Variants in SYNE3 observed in about 807,000 individuals in gnomAD.
SYNE3 encodes the protein nesprin-3.
A neutral mutation model predicts 111.2 loss-of-function variants in SYNE3; 100 were observed. That is an observed-to-expected ratio of 0.90 (90% confidence interval 0.77 to 1.06). The LOEUF (loss-of-function observed/expected upper bound fraction) is 1.06, where lower values mean the gene tolerates loss of function less well. Ranked by LOEUF, SYNE3 falls within the 50% of genes least tolerant of loss-of-function variation. The pLI is 0.00. For missense variants in SYNE3, 1,160 were observed against 1,240.3 expected (o/e 0.94, Z 0.97); for synonymous variants, 547 against 533.9 (o/e 1.02, Z -0.34).
At chr14:95,438,752 G>T (rs1310581858) in intron 14 of SYNE3, 1 of 323,562 alleles carries the variant, frequency 3.1e-6, no homozygotes, top group Non-Finnish European at 5.8e-6. Context: ...AGGAGCTGCT[G>T]CTAGTGGCTC....
chr14:95,473,559 A>T (rs187651182), intron 2 of SYNE3, among the ~76,000 whole-genome samples: 236 of 152,246 alleles, frequency 1.6e-3, no homozygotes, highest in Admixed American at 3.5e-3. Flanking sequence ...CAACACATGG[A>T]CAAAGGCTTG....
intron 8 of SYNE3, chr14:95,449,426 G>C: frequency 1.0e-6 from 1 of 985,400 alleles, no homozygotes. Context: ...TCCGGAGCCA[G>C]TTGTTGTTCA....
intron 17 of SYNE3, among the ~76,000 whole-genome samples, chr14:95,421,774 C>T (rs1290754146): frequency 2.0e-4 from 31 of 152,228 alleles, no homozygotes; most frequent in Admixed American, 2.0e-3. Context: ...AAGCACTGCC[C>T]TCCTTAAACG....
intron 1 of SYNE3, among the ~76,000 whole-genome samples, chr14:95,490,827 T>C (rs1889813767): frequency 6.6e-6 from 1 of 152,252 alleles, no homozygotes; most frequent in African/African-American, 2.4e-5. Flanking sequence ...TGCATTGCCA[T>C]CCACCTTCTC....
rs1886989873 is a variant in SYNE3, at chr14:95,450,198, C to T, written c.1275-93G>A. Reference sequence around the variant, plus strand: ...CCGCCAAGACCCTCAAGAGGCCCAGCATGCACTGCTCCCAGGGTGGGCCTT... The same window carrying T: ...CCGCCAAGACCCTCAAGAGGCCCAGTATGCACTGCTCCCAGGGTGGGCCTT... On this transcript the variant is annotated intron_variant, in intron 7 of 17. Coordinates refer to ENST00000682763, the MANE Select transcript of SYNE3 (RefSeq NM_152592.6). The T allele has an allele frequency of 9.1e-6, 13 of 1,424,426 alleles. No individual in the cohort carries two copies. In the Admixed American group the frequency reaches 2.4e-4, roughly 27 times the overall value. The allele number at this position is 1,424,426 out of a possible 1,614,324, so 88.2% of individuals were successfully genotyped here. A position where few individuals can be genotyped will look rare whatever the true frequency, so the allele number is the denominator to read the frequency against.
rs1903616064 is a variant in SYNE3, at chr14:95,417,442, T to G, written c.*384A>C. ...AGGTTGCCATGAAAGTGACATGTTA[T>G]TGTTCTTGCTTTCTAGGGTTGACTG... On this transcript the variant is annotated 3_prime_UTR_variant, in exon 18 of 18. Transcript: ENST00000682763. 4 of 263,340 alleles carry G rather than the reference T, an allele frequency of 1.5e-5. No individual in the cohort carries two copies. Among genetic ancestry groups the G allele is most frequent in the African/African-American group, 6.5e-5 (3 of 46,164 alleles). The allele number at this position is 263,340 out of a possible 1,614,324, so 16.3% of individuals were successfully genotyped here.
At chr14:95,512,979 A>G (rs558467654) in intron 1 of SYNE3, among the ~76,000 whole-genome samples, 6 of 152,320 alleles carry the variant, frequency 3.9e-5, no homozygotes, top group Admixed American at 2.6e-4. Flanking sequence ...TCCCTGATCA[A>G]TTACCCACTT....
chr14:95,438,197 G>GC (rs1229141216), intron 14 of SYNE3: 3 of 152,102 alleles, frequency 2.0e-5, no homozygotes. Flanking sequence ...CCCACCTCAG[G>GC]CCCCTGAGTA....
chr14:95,491,337 G>A (rs1314369776), intron 1 of SYNE3, among the ~76,000 whole-genome samples: 1 of 152,146 alleles, frequency 6.6e-6, no homozygotes, highest in Non-Finnish European at 1.5e-5. Context: ...TCAGTGTAGA[G>A]TGATGGCCAA....
In SYNE3 at chr14:95,450,011, C is replaced by A; in HGVS notation, c.1369G>T (p.Ala457Ser). The change falls in exon 8 of 18, where the codon GCC (alanine) becomes TCC (serine). Residue 457 changes from alanine (A) to serine (S), a missense_variant. Ala to Ser is a moderately conservative substitution (Grantham distance 99, BLOSUM62 1). Transcript: ENST00000682763. ...RPLQDLQLWK[A>S]LAQRLLEVTA... ...ACCTCCAAGAGCCGCTGGGCCAGGG[C>A]CTTCCACAGCTGCAGATCCTGCAGA... is the stretch of plus-strand genomic sequence containing the variant. 6.4e-7 allele frequency: 1 copy of A among 1,556,630 alleles called. No individual in the cohort carries two copies. Among genetic ancestry groups the A allele is most frequent in the East Asian group, 2.4e-5 (1 of 41,294 alleles).
chr14:95,424,634 C>A (rs1476467115), intron 17 of SYNE3, among the ~76,000 whole-genome samples: 1 of 152,164 alleles, frequency 6.6e-6, no homozygotes, highest in Non-Finnish European at 1.5e-5. Context: ...TGATAAGAGG[C>A]ACAAGTAAAC....
Position 95,436,882 on chromosome 14 carries a change from T to C in SYNE3, c.2476A>G (p.Arg826Gly). ...WLQVENSKLV[R>G]IIAMRTSTAE... ...GTAGAAGTTCTCATTGCGATGATTC[T>C]AACCAGCTTGGAGTTTTCCACCTGC... Residue 826 changes from arginine (R) to glycine (G), a missense_variant, in exon 15 of 18, where the codon AGA becomes GGA. Arg to Gly is a moderately radical substitution (Grantham distance 125, BLOSUM62 -2). Transcript: ENST00000682763. The C allele has an allele frequency of 6.2e-7, 1 of 1,614,234 alleles. No individual in the cohort carries two copies. The highest frequency in any genetic ancestry group is 8.5e-7 in the Non-Finnish European group (1 of 1,180,034).
At chr14:95,481,211 A>AT (rs1469503601) in intron 1 of SYNE3, among the ~76,000 whole-genome samples, 5 of 152,216 alleles carry the variant, frequency 3.3e-5, no homozygotes, top group Admixed American at 3.3e-4. Context: ...GTTCTATTGG[A>AT]TTCTGAAGCC....
At chr14:95,431,735 G>A (rs1053284779) in intron 17 of SYNE3, among the ~76,000 whole-genome samples, 1 of 152,116 alleles carries the variant, frequency 6.6e-6, no homozygotes, top group Admixed American at 6.5e-5. Context: ...GGACAGTCCC[G>A]GTTCACACCT....
At chr14:95,450,446 A>C (rs1887002000) in intron 7 of SYNE3, 1 of 242,194 alleles carries the variant, frequency 4.1e-6, no homozygotes, top group Non-Finnish European at 8.0e-6. Flanking sequence ...AGGCCAAAGC[A>C]GGAGGATCAC....
intron 1 of SYNE3, among the ~76,000 whole-genome samples, chr14:95,504,544 G>C (rs950413381): frequency 1.3e-5 from 2 of 152,202 alleles, no homozygotes; most frequent in Non-Finnish European, 1.5e-5. Context: ...GGGGGCCTTT[G>C]CCACTAAGCT....
intron 1 of SYNE3, among the ~76,000 whole-genome samples, chr14:95,477,481 T>C (rs1227308974): frequency 2.0e-5 from 3 of 152,206 alleles, no homozygotes; most frequent in African/African-American, 7.2e-5. Flanking sequence ...AAATCATCAC[T>C]ATTAAAAATA....
chr14:95,425,185 G>A (rs549560932), intron 17 of SYNE3, among the ~76,000 whole-genome samples: 1 of 151,988 alleles, frequency 6.6e-6, no homozygotes, highest in East Asian at 1.9e-4. Context: ...GATGGAGGTT[G>A]CAGTGAGCAG....
At chr14:95,429,445 T>C (rs1308568747) in intron 17 of SYNE3, among the ~76,000 whole-genome samples, 4 of 152,060 alleles carry the variant, frequency 2.6e-5, no homozygotes. Context: ...TCACCTGGGA[T>C]CGTGTTAGAA....
Sources: gnomAD v4.1 joint callset for allele counts (sites outside exome capture counted in the v4.1 genomes callset) on GRCh38, gnomAD v4.1.1 for gene constraint, MANE v1.5 for transcripts, NCBI Gene and HGNC (gene_info 2026-07-23, HGNC 2026-07-21) for gene names.